The following LGALS8 variants were observed in gnomAD, a reference collection of about 807,000 sequenced individuals.
The protein encoded by LGALS8 is galectin 8.
Under a neutral mutation model 35.9 loss-of-function variants are expected in LGALS8, and 30 were observed. The ratio of observed to expected loss-of-function variants is 0.83; its 90% CI spans 0.62 to 1.13. LGALS8 has a LOEUF of 1.13. Among genes scored for constraint, LGALS8 ranks in the 50% most tolerant of loss-of-function variants. The pLI, the probability that LGALS8 is intolerant of heterozygous loss-of-function variation, is 0.00. For synonymous variants in LGALS8, 138 were observed against 136.1 expected, an observed-to-expected ratio of 1.01 and a Z score of -0.10; for missense variants, 366 against 388.7, an observed-to-expected ratio of 0.94 and a Z score of 0.49.
intron 1 of LGALS8, chr1:236,524,589 T>C (rs893770831): frequency 9.3e-5 from 34 of 367,102 alleles, no homozygotes; most frequent in Non-Finnish European, 1.6e-4. Context: ...GTGACTTCCT[T>C]TGACCGTACG....
intron 2 of LGALS8, among the ~76,000 whole-genome samples, chr1:236,534,533 TCCTCCGTTTTCACAG>T (rs1481658323): frequency 6.6e-6 from 1 of 151,642 alleles, no homozygotes; most frequent in African/African-American, 2.4e-5. Context: ...ACAATGTATG[TCCTCCGTTTTCACAG>T]AAGCCACATA....
In LGALS8 at chr1:236,542,681, T is replaced by C. The variant is rs560719180; in HGVS notation, c.523-80T>C. On this transcript the variant is annotated intron_variant, in intron 6 of 9. Transcript: ENST00000366584. ...ATCCCAGGCTCCGGCCAGGCTCAGCTCAGCACAACCAAGACTTCAGATTAT... is the reference window on the plus strand; with the variant it reads ...ATCCCAGGCTCCGGCCAGGCTCAGCCCAGCACAACCAAGACTTCAGATTAT... The C allele has an allele frequency of 2.1e-5, 31 of 1,499,520 alleles. No homozygotes were observed. In the African/African-American group the frequency reaches 4.3e-4, roughly 21 times the overall value. The allele number at this position is 1,499,520 out of a possible 1,614,324, so 92.9% of individuals were successfully genotyped here.
intron 4 of LGALS8, among the ~76,000 whole-genome samples, chr1:236,539,595 ATGTG>A (rs1558163957): frequency 6.6e-6 from 1 of 151,768 alleles, no homozygotes; most frequent in Non-Finnish European, 1.5e-5. Flanking sequence ...CCTAGCGTGT[ATGTG>A]TACGGTTGAA....
intron 2 of LGALS8, among the ~76,000 whole-genome samples, chr1:236,533,416 C>A (rs1191219601): frequency 1.3e-5 from 2 of 151,730 alleles, no homozygotes; most frequent in African/African-American, 2.4e-5. Context: ...CTCATTGCAA[C>A]CTCCGCCTCC....
chr1:236,539,864 T>C (rs1201287951), intron 4 of LGALS8, among the ~76,000 whole-genome samples: 1 of 152,194 alleles, frequency 6.6e-6, no homozygotes, highest in Non-Finnish European at 1.5e-5. Flanking sequence ...GCTTTACGTG[T>C]TTATTTTGCC....
chr1:236,529,347 C>T (rs1233745933), intron 2 of LGALS8, among the ~76,000 whole-genome samples: 1 of 151,818 alleles, frequency 6.6e-6, no homozygotes, highest in South Asian at 2.1e-4. Context: ...TTTGGGAAGC[C>T]GAGGCGAGAG....
chr1:236,533,559 C>T (rs1030632957), intron 2 of LGALS8, among the ~76,000 whole-genome samples: 21 of 152,108 alleles, frequency 1.4e-4, no homozygotes, highest in Non-Finnish European at 1.0e-4. Context: ...GTCTTCAACT[C>T]CCAACCTCAA....
At chr1:236,541,785 A>G in intron 6 of LGALS8, 75 bp downstream of exon 6, 1 of 748,666 alleles carries the variant, frequency 1.3e-6, no homozygotes, top group Non-Finnish European at 2.1e-6. Context: ...AAATGGCAAG[A>G]AGGCTGGGTT....
chr1:236,550,919 G>A lies in LGALS8; in HGVS notation c.*2758G>A, dbSNP rs746378086. On this transcript the variant is annotated 3_prime_UTR_variant, in exon 10 of 10. Coordinates refer to ENST00000366584, the MANE Select transcript of LGALS8 (RefSeq NM_201544.4). Reference sequence around the variant, plus strand: ...AGAAAGTCTTAGAAATAGCTCTGGAGTGGCTCTCCCAGGACAGTTTCCAGT... The same window carrying A: ...AGAAAGTCTTAGAAATAGCTCTGGAATGGCTCTCCCAGGACAGTTTCCAGT... 2 of 1,606,434 alleles carry A rather than the reference G, an allele frequency of 1.2e-6. No homozygotes were observed. The highest frequency in any genetic ancestry group is 2.7e-5 in the African/African-American group (2 of 74,134).
chr1:236,548,648 T>A lies in LGALS8; in HGVS notation c.*487T>A, dbSNP rs1481374375. 6.0e-6 allele frequency: 2 copies of A among 333,194 alleles called. No homozygotes were observed. The highest frequency in any genetic ancestry group is 1.1e-5 in the Non-Finnish European group (2 of 185,268). 20.6% of individuals were successfully genotyped at this position (333,194 alleles called of 1,614,324 possible). ...CTCCTAAGGGGTCCTCTGGGATTAG[T>A]TATGCAGATATTAAATCACCCGAAG... On this transcript the variant is annotated 3_prime_UTR_variant, in exon 10 of 10. Coordinates refer to ENST00000366584, the MANE Select transcript of LGALS8 (RefSeq NM_201544.4).
intron 9 of LGALS8, among the ~76,000 whole-genome samples, chr1:236,547,436 G>A (rs1316978826): frequency 1.3e-5 from 2 of 152,128 alleles, no homozygotes; most frequent in African/African-American, 4.8e-5. Context: ...GCCAAGATGT[G>A]CTGAGCTTAT....
At position 236,544,933 on chromosome 1, in the gene LGALS8, GA is replaced by G; in HGVS notation, c.804+22del. ...ACTTTGAGGTGAGGTTACAGTTTTT[GA>G]AAATGGGACAGCAATAAGAATCCTG... On this transcript the variant is annotated intron_variant, in intron 9 of 9. Transcript: ENST00000366584. 1.3e-6 allele frequency: 2 copies of G among 1,581,792 alleles called. No homozygotes were observed. Among genetic ancestry groups the G allele is most frequent in the Non-Finnish European group, 1.7e-6 (2 of 1,159,406 alleles).
chr1:236,528,394 A>ACCC (rs59990280), intron 2 of LGALS8, among the ~76,000 whole-genome samples: 67 of 145,850 alleles, frequency 4.6e-4, no homozygotes, highest in African/African-American at 1.6e-3. Flanking sequence ...AAAAAAAAAA[A>ACCC]CCCCCCCACA....
intron 2 of LGALS8, 65 bp from the exon 3 acceptor site, chr1:236,537,432 G>A (rs1270079813): frequency 4.2e-6 from 4 of 943,576 alleles, no homozygotes; most frequent in Non-Finnish European, 7.0e-6. Flanking sequence ...ATGAGTGTGG[G>A]TTGTAATTGC....
intron 2 of LGALS8, among the ~76,000 whole-genome samples, chr1:236,529,268 A>G (rs1325729751): frequency 6.6e-6 from 1 of 151,748 alleles, no homozygotes; most frequent in Non-Finnish European, 1.5e-5. Context: ...CAGAGCAAGA[A>G]CCATGTTCAA....
At chr1:236,545,104 G>A in intron 9 of LGALS8, 189 bp downstream of exon 9, 1 of 460,518 alleles carries the variant, frequency 2.2e-6, no homozygotes, top group Non-Finnish European at 3.9e-6. Flanking sequence ...AGCCAGTAGA[G>A]TGTCAAATTA....
At chr1:236,534,273 T>C (rs1261133480) in intron 2 of LGALS8, among the ~76,000 whole-genome samples, 1 of 152,212 alleles carries the variant, frequency 6.6e-6, no homozygotes, top group Non-Finnish European at 1.5e-5. Context: ...GTGTCTGTTA[T>C]GTTTCCTGGG....
chr1:236,543,501 G>C (rs1553278073), intron 7 of LGALS8, 59 bp from the exon 8 acceptor site: 2 of 1,250,082 alleles, frequency 1.6e-6, no homozygotes, highest in African/African-American at 3.0e-5. Context: ...TTGGACACGA[G>C]TTTTCCCTGG....
upstream of LGALS8, among the ~76,000 whole-genome samples, chr1:236,519,542 G>C (rs530163121): frequency 6.6e-6 from 1 of 152,266 alleles, no homozygotes; most frequent in South Asian, 2.1e-4. Flanking sequence ...GGCAGTTGTG[G>C]CAAATAATTG....
Sources: allele counts gnomAD v4.1 joint callset (sites outside exome capture counted in the v4.1 genomes callset), GRCh38; gene constraint gnomAD v4.1.1; transcripts MANE v1.5; gene names NCBI Gene and HGNC (gene_info 2026-07-23, HGNC 2026-07-21).